The following RCL1 variants were observed in gnomAD, a reference collection of about 807,000 sequenced individuals.
RCL1 encodes RNA 3'-terminal phosphate cyclase-like protein.
RCL1 carries 24 observed loss-of-function variants against 42.4 expected under a neutral mutation model. That is an observed-to-expected ratio of 0.57 (90% confidence interval 0.41 to 0.80). The LOEUF (loss-of-function observed/expected upper bound fraction) is 0.80, where lower values mean the gene tolerates loss of function less well. Ranked by LOEUF, RCL1 falls within the 30% of genes least tolerant of loss-of-function variation. RCL1 has a pLI of 0.00. For missense variants in RCL1, 578 were observed against 467.9 expected (o/e 1.24, Z -2.17); for synonymous variants, 228 against 177.3 (o/e 1.29, Z -2.27).
chr9:4,851,593 G>T (rs1817750400), intron 8 of RCL1, among the ~76,000 whole-genome samples: 1 of 152,204 alleles, frequency 6.6e-6, no homozygotes, highest in Admixed American at 6.5e-5. Context: ...CCATCATGGT[G>T]GGGGAATAGT....
intron 1 of RCL1, among the ~76,000 whole-genome samples, chr9:4,823,145 A>G (rs1328039966): frequency 6.6e-6 from 1 of 152,174 alleles, no homozygotes; most frequent in Non-Finnish European, 1.5e-5. Context: ...GGAGCAGGGA[A>G]GAATCTGACT....
intron 2 of RCL1, 65 bp from the exon 3 acceptor site, chr9:4,826,793 T>C: frequency 7.1e-7 from 1 of 1,412,900 alleles, no homozygotes; most frequent in African/African-American, 1.4e-5. Flanking sequence ...CTCACTGCCT[T>C]CATTACCTTT....
intron 6 of RCL1, 92 bp downstream of exon 6, chr9:4,841,449 GC>G: frequency 2.1e-6 from 2 of 959,720 alleles, no homozygotes; most frequent in Non-Finnish European, 1.6e-6. Context: ...AGGTTGCGCA[GC>G]CAGAGGAAGA....
At chr9:4,793,339 C>G in intron 1 of RCL1, 112 bp downstream of exon 1, 1 of 1,182,020 alleles carries the variant, frequency 8.5e-7, no homozygotes, top group Non-Finnish European at 1.1e-6. Context: ...CCGGCGAGCG[C>G]GTCGGGGAGG....
intron 5 of RCL1, among the ~76,000 whole-genome samples, chr9:4,838,714 A>G (rs1473726107): frequency 1.3e-5 from 2 of 152,198 alleles, no homozygotes; most frequent in Non-Finnish European, 1.5e-5. Flanking sequence ...GTTTTCATAA[A>G]TGGGCTTTAG....
At chr9:4,808,042 G>A (rs1383759367) in intron 1 of RCL1, among the ~76,000 whole-genome samples, 1 of 151,866 alleles carries the variant, frequency 6.6e-6, no homozygotes, top group Non-Finnish European at 1.5e-5. Context: ...TGGGTGGAGT[G>A]CTCTATAAAT....
At chr9:4,817,668 TG>T (rs1398519948) in intron 1 of RCL1, among the ~76,000 whole-genome samples, 2 of 151,990 alleles carry the variant, frequency 1.3e-5, no homozygotes, top group African/African-American at 4.8e-5. Context: ...GGCTAATTTT[TG>T]TATTTTTTGT....
intron 8 of RCL1, among the ~76,000 whole-genome samples, chr9:4,857,501 G>A (rs926365409): frequency 9.2e-5 from 14 of 152,002 alleles, no homozygotes; most frequent in African/African-American, 2.9e-4. Flanking sequence ...CACATTTTAT[G>A]CATTCATCAG....
At chr9:4,793,336 G>C (rs1842862002) in intron 1 of RCL1, 109 bp downstream of exon 1, 2 of 1,284,104 alleles carry the variant, frequency 1.6e-6, no homozygotes, top group Non-Finnish European at 2.1e-6. Flanking sequence ...CGTCCGGCGA[G>C]CGCGTCGGGG....
In RCL1 at chr9:4,793,184, A is replaced by G. The variant is rs1212836663; in HGVS notation, c.93A>G (p.Lys31=). The change falls in exon 1 of 9, where the codon AAA becomes AAG. Residue 31 remains lysine, a synonymous_variant. Transcript: ENST00000381750. ...CTACCCTGAGCGGGCGCCCCGTCAA[A>G]ATCCGAAAGATTCGGGCCAGAGACG... ...VLSTLSGRPV[K]IRKIRARDDN... 6.2e-7 allele frequency: 1 copy of G among 1,610,170 alleles called. No homozygotes were observed. The highest frequency in any genetic ancestry group is 8.5e-7 in the Non-Finnish European group (1 of 1,178,306).
At chr9:4,824,055 C>T (rs1000952808) in intron 2 of RCL1, among the ~76,000 whole-genome samples, 4 of 152,130 alleles carry the variant, frequency 2.6e-5, no homozygotes, top group African/African-American at 7.2e-5. Context: ...CAAAGTCTCT[C>T]CTCTTTTTTT....
Position 4,793,064 on chromosome 9 carries a change from T to G in RCL1, c.-28T>G, listed in dbSNP as rs753848135. On this transcript the variant is annotated 5_prime_UTR_variant, in exon 1 of 9. Coordinates refer to ENST00000381750, the MANE Select transcript of RCL1 (RefSeq NM_005772.5). ...CTGTCCGAAGTCGCCGCTCTCGGGC[T>G]GCTCACGTCTCTTCGGAGAGCGCGC... 2 of 1,600,120 alleles carry G rather than the reference T, an allele frequency of 1.2e-6. No homozygotes were observed. Among genetic ancestry groups the G allele is most frequent in the Non-Finnish European group, 1.7e-6 (2 of 1,173,664 alleles).
chr9:4,832,790 G>C (rs898911177), intron 3 of RCL1, among the ~76,000 whole-genome samples: 1 of 120,672 alleles, frequency 8.3e-6, no homozygotes, highest in Non-Finnish European at 1.6e-5. Context: ...CCTGGTGACA[G>C]AGCGAGATTC....
At chr9:4,850,497 T>TTTC (rs1229185915) in intron 8 of RCL1, 57 of 222,304 alleles carry the variant, frequency 2.6e-4, no homozygotes, top group Non-Finnish European at 5.3e-4. Context: ...TTTTTTCTTT[T>TTTC]TTTTTTTTTT....
intron 5 of RCL1, among the ~76,000 whole-genome samples, chr9:4,835,215 A>C (rs1362908303): frequency 1.3e-5 from 2 of 152,240 alleles, no homozygotes; most frequent in African/African-American, 4.8e-5. Context: ...GATACTATGC[A>C]GAACGCAAAG....
chr9:4,823,013 A>G (rs1242112926), intron 1 of RCL1, among the ~76,000 whole-genome samples: 2 of 152,170 alleles, frequency 1.3e-5, no homozygotes, highest in African/African-American at 4.8e-5. Context: ...AGTTGAAATC[A>G]GTAGGATGGT....
chr9:4,826,994 A>G lies in RCL1; in HGVS notation c.345A>G (p.Ile115Met). The change falls in exon 3 of 9, where the codon ATA becomes ATG. Residue 115 changes from isoleucine (I) to methionine (M), a missense_variant. Transcript: ENST00000381750. ...LAPFMKHPLK[I>M]VLRGVTNDQV... Reference sequence around the variant, plus strand: ...CATTTATGAAGCACCCGTTAAAAATAGTTCTACGAGGAGTGACCAATGATC... The same window carrying G: ...CATTTATGAAGCACCCGTTAAAAATGGTTCTACGAGGAGTGACCAATGATC... The G allele has an allele frequency of 6.2e-7, 1 of 1,614,220 alleles. No individual in the cohort carries two copies. The highest frequency in any genetic ancestry group is 1.3e-5 in the African/African-American group (1 of 75,058).
chr9:4,834,716 C>A (rs1352538453), intron 5 of RCL1, among the ~76,000 whole-genome samples: 1 of 151,942 alleles, frequency 6.6e-6, no homozygotes, highest in Non-Finnish European at 1.5e-5. Context: ...TCTGGAGGAC[C>A]TAGGGAGGCT....
chr9:4,845,209 GA>G (rs1817472748), intron 7 of RCL1, among the ~76,000 whole-genome samples: 1 of 152,160 alleles, frequency 6.6e-6, no homozygotes, highest in African/African-American at 2.4e-5. Flanking sequence ...TAGAAAAGAA[GA>G]AAAAAATTTA....
Sources: allele counts gnomAD v4.1 joint callset (sites outside exome capture counted in the v4.1 genomes callset), GRCh38; gene constraint gnomAD v4.1.1; transcripts MANE v1.5; gene names NCBI Gene and HGNC (gene_info 2026-07-23, HGNC 2026-07-21).